The following NR6A1 variants were observed in gnomAD, a reference collection of about 807,000 sequenced individuals.
NR6A1 encodes nuclear receptor subfamily 6 group A member 1.
In NR6A1, 7 loss-of-function variants were observed where a neutral mutation model predicts 59.1. The observed-to-expected ratio is 0.12, with a 90% CI of 0.07 to 0.22. The LOEUF is 0.22. Among genes scored for constraint, NR6A1 ranks in the 10% least tolerant of loss-of-function variants. The probability of loss-of-function intolerance (pLI) is 1.00; values close to 1 mark genes in which losing one functional copy is unlikely to be tolerated. For missense variants in NR6A1, 468 were observed against 611.6 expected (o/e 0.77, Z 2.48); for synonymous variants, 243 against 236.1 (o/e 1.03, Z -0.27).
chr9:124,555,452 C>T (rs1393726493), intron 2 of NR6A1, among the ~76,000 whole-genome samples: 2 of 152,080 alleles, frequency 1.3e-5, no homozygotes, highest in Non-Finnish European at 2.9e-5. Flanking sequence ...GTATAATAAT[C>T]AAGAACATCG....
At chr9:124,770,967 G>A (rs957521456) in intron 1 of NR6A1, 53 bp downstream of exon 1, 33 of 1,009,790 alleles carry the variant, frequency 3.3e-5, no homozygotes, top group Admixed American at 4.3e-5. Context: ...CCCTGGCGGA[G>A]GCTCAGGAAG....
chr9:124,767,753 C>A (rs937865859), intron 1 of NR6A1, among the ~76,000 whole-genome samples: 1 of 152,152 alleles, frequency 6.6e-6, no homozygotes, highest in Non-Finnish European at 1.5e-5. Flanking sequence ...GAAAAAGGCA[C>A]CGTGCTATTC....
rs764847595 is a variant in NR6A1, at chr9:124,536,128, C to T, written c.829G>A (p.Ala277Thr). The T allele has an allele frequency of 2.8e-5, 45 of 1,611,888 alleles. No individual in the cohort carries two copies. Among genetic ancestry groups the T allele is most frequent in the East Asian group, 2.0e-4 (9 of 44,816 alleles). Residue 277 changes from alanine (A) to threonine (T), a missense_variant, in exon 7 of 10, where the codon GCT (alanine) becomes ACT (threonine). Physicochemically the swap from Ala to Thr is moderately conservative, Grantham distance 58. This residue lies in a region of NR6A1 where 176 missense variants were observed against 264.0 expected (regional missense o/e 0.67). Transcript: ENST00000487099. The stretch of plus-strand genomic sequence containing the variant: ...GCAAATAGTTCTGCCTGTGTCACAG[C>T]GTATCTGAGGGGCAGGGACAGGGGA... ...GTPMLIEDGY[A>T]VTQAELFALL... is the part of the protein sequence containing the mutation.
intron 2 of NR6A1, among the ~76,000 whole-genome samples, chr9:124,706,400 G>C (rs1588810791): frequency 6.6e-6 from 1 of 152,034 alleles, no homozygotes; most frequent in African/African-American, 2.4e-5. Flanking sequence ...CTTTCAGCTT[G>C]AAGAATTTCC....
intron 2 of NR6A1, among the ~76,000 whole-genome samples, chr9:124,703,009 C>G (rs1420156713): frequency 6.6e-6 from 1 of 151,700 alleles, no homozygotes; most frequent in Admixed American, 6.6e-5. Flanking sequence ...AGCGATTCTC[C>G]TGCCTCAGCC....
intron 2 of NR6A1, among the ~76,000 whole-genome samples, chr9:124,610,537 T>C (rs1835708506): frequency 6.6e-6 from 1 of 152,232 alleles, no homozygotes; most frequent in Non-Finnish European, 1.5e-5. Flanking sequence ...TTGATGTTCA[T>C]CAGGGATACT....
chr9:124,598,711 T>C, intron 2 of NR6A1: 1 of 755,636 alleles, frequency 1.3e-6, no homozygotes, highest in Non-Finnish European at 2.1e-6. Flanking sequence ...CGATTTATTG[T>C]TTCTCCTCAG....
chr9:124,717,382 C>G (rs959058888), intron 2 of NR6A1, among the ~76,000 whole-genome samples: 1 of 152,160 alleles, frequency 6.6e-6, no homozygotes, highest in African/African-American at 2.4e-5. Context: ...AAGGAATACT[C>G]CTCAACAATA....
intron 2 of NR6A1, among the ~76,000 whole-genome samples, chr9:124,692,934 C>A (rs949767238): frequency 7.2e-5 from 11 of 152,238 alleles, no homozygotes; most frequent in Admixed American, 4.6e-4. Context: ...TAATTAGGGG[C>A]AAGGGGAGGA....
chr9:124,738,587 G>A (rs1313750054), intron 1 of NR6A1, among the ~76,000 whole-genome samples: 1 of 152,122 alleles, frequency 6.6e-6, no homozygotes, highest in East Asian at 1.9e-4. Context: ...AGGACACGGG[G>A]GCCGGGCACA....
chr9:124,737,889 C>T (rs1030401399), intron 1 of NR6A1, among the ~76,000 whole-genome samples: 33 of 151,378 alleles, frequency 2.2e-4, no homozygotes, highest in East Asian at 3.9e-4. Context: ...AGAGGCTGGG[C>T]GCGGTGGATC....
At chr9:124,731,098 G>A (rs1445395338) in intron 2 of NR6A1, among the ~76,000 whole-genome samples, 1 of 152,066 alleles carries the variant, frequency 6.6e-6, no homozygotes, top group African/African-American at 2.4e-5. Flanking sequence ...ATGGCCAGGT[G>A]CAGTGGTTCA....
intron 2 of NR6A1, among the ~76,000 whole-genome samples, chr9:124,573,481 G>A (rs1834505476): frequency 6.6e-6 from 1 of 152,132 alleles, no homozygotes; most frequent in South Asian, 2.1e-4. Flanking sequence ...GAGGCCCCAT[G>A]GGACAATCTT....
At chr9:124,527,008 A>T (rs1832957529) in intron 7 of NR6A1, 108 bp from the exon 8 acceptor site, 1 of 1,366,734 alleles carries the variant, frequency 7.3e-7, no homozygotes, top group Admixed American at 2.0e-5. Context: ...GCTTGGGGGA[A>T]ATGGGATCCA....
chr9:124,541,677 T>C (rs1272365882), intron 4 of NR6A1, among the ~76,000 whole-genome samples: 5 of 152,226 alleles, frequency 3.3e-5, no homozygotes, highest in South Asian at 2.1e-4. Context: ...ATCCCATCTA[T>C]GGGTATTAAT....
chr9:124,661,601 C>T (rs1837436470), intron 2 of NR6A1, among the ~76,000 whole-genome samples: 1 of 152,188 alleles, frequency 6.6e-6, no homozygotes, highest in South Asian at 2.1e-4. Context: ...CATGATAATA[C>T]GGTGTGAAGC....
chr9:124,651,255 T>C (rs559126261), intron 2 of NR6A1, among the ~76,000 whole-genome samples: 1 of 152,170 alleles, frequency 6.6e-6, no homozygotes, highest in South Asian at 2.1e-4. Flanking sequence ...GATGGGGTTT[T>C]GCCACGTCGC....
chr9:124,725,752 G>T (rs781413024), intron 2 of NR6A1, among the ~76,000 whole-genome samples: 2 of 152,172 alleles, frequency 1.3e-5, no homozygotes, highest in Non-Finnish European at 2.9e-5. Flanking sequence ...AGCCTGGAGA[G>T]CATGGCAAAA....
chr9:124,535,518 C>T (rs1306638740), intron 7 of NR6A1, among the ~76,000 whole-genome samples: 1 of 152,134 alleles, frequency 6.6e-6, no homozygotes, highest in African/African-American at 2.4e-5. Context: ...GCAAGAGTTG[C>T]AGTGAGCCAA....
Sources: allele counts gnomAD v4.1 joint callset (sites outside exome capture counted in the v4.1 genomes callset), GRCh38; gene constraint gnomAD v4.1.1; regional missense constraint gnomAD v4.1.1; transcripts MANE v1.5; gene names NCBI Gene and HGNC (gene_info 2026-07-23, HGNC 2026-07-21).